Variants in DGAT1 observed in about 807,000 individuals in gnomAD.
DGAT1 encodes the protein ACAT related gene product 1.
DGAT1 carries 60 observed loss-of-function variants against 72.6 expected under a neutral mutation model. The observed-to-expected ratio is 0.83, with a 90% CI of 0.67 to 1.02. The LOEUF (loss-of-function observed/expected upper bound fraction) is 1.02, where lower values mean the gene tolerates loss of function less well. Among genes scored for constraint, DGAT1 ranks in the 50% least tolerant of loss-of-function variants. DGAT1 has a pLI of 0.00. For synonymous variants in DGAT1, 290 were observed against 267.5 expected (o/e 1.08, Z -0.82); for missense variants, 592 against 670.0 (o/e 0.88, Z 1.29).
Position 144,318,298 on chromosome 8 carries a change from G to A in DGAT1, c.639C>T (p.Asp213=), listed in dbSNP as rs1311112263. 8.1e-6 allele frequency: 13 copies of A among 1,612,732 alleles called. No individual in the cohort carries two copies. The highest frequency in any genetic ancestry group is 2.7e-5 in the African/African-American group (2 of 74,928). ...TGGCCCTGCGGCACCATGAGTTGAC[G>A]TCGCGGTAGGAGAAGAGCTTGAGGA... ...ILFLKLFSYR[D]VNSWCRRARA... Residue 213 remains aspartate, a synonymous_variant, in exon 7 of 17, where the codon GAC becomes GAT. Coordinates refer to ENST00000528718, the MANE Select transcript of DGAT1 (RefSeq NM_012079.6).
Position 144,321,409 on chromosome 8 carries a change from C to G in DGAT1, c.201-1G>C, listed in dbSNP as rs1300376926. Reference sequence around the variant, plus strand: ...TAAAGAATCCTGCAGGCGATGGCACCTGACAGAGCACAACACAAGCACCCC... The same window carrying G: ...TAAAGAATCCTGCAGGCGATGGCACGTGACAGAGCACAACACAAGCACCCC... On this transcript the variant is annotated splice_acceptor_variant, in intron 1 of 16. Transcript: ENST00000528718. LOFTEE classifies it high-confidence loss of function. The G allele has an allele frequency of 1.7e-5, 28 of 1,613,606 alleles. No homozygotes were observed. Among genetic ancestry groups the G allele is most frequent in the Non-Finnish European group, 2.3e-5 (27 of 1,179,852 alleles).
At chr8:144,317,293 G>A (rs1817271820) in intron 13 of DGAT1, 40 bp downstream of exon 13, 28 of 1,613,196 alleles carry the variant, frequency 1.7e-5, no homozygotes, top group Non-Finnish European at 2.4e-5. Context: ...AGCACACCAT[G>A]GCCCATCCCA....
chr8:144,318,239 C>A (rs552667411), intron 7 of DGAT1, 22 bp downstream of exon 7: 1 of 1,611,890 alleles, frequency 6.2e-7, no homozygotes, highest in South Asian at 1.1e-5. Context: ...GCAGGCAGCC[C>A]CAGCCCCTGG....
rs782732629 is a variant in DGAT1, at chr8:144,317,892, TGCCCCCA to T, written c.855+15_855+21del. On this transcript the variant is annotated intron_variant, in intron 9 of 16. Coordinates refer to ENST00000528718, the MANE Select transcript of DGAT1 (RefSeq NM_012079.6). The stretch of plus-strand genomic sequence containing the variant: ...AGAAGGCCCCCTAGCCTCCAGTGGC[TGCCCCCA>T]GCCCCCAACCTCACCATCTCAAGGA... The T allele has an allele frequency of 1.3e-6, 2 of 1,545,436 alleles. No individual in the cohort carries two copies. Among genetic ancestry groups the T allele is most frequent in the South Asian group, 2.5e-5 (2 of 79,866 alleles).
At chr8:144,323,731 G>A (rs1038091798) in intron 1 of DGAT1, among the ~76,000 whole-genome samples, 5 of 152,142 alleles carry the variant, frequency 3.3e-5, no homozygotes, top group Non-Finnish European at 2.9e-5. Context: ...TCAGTCTCAC[G>A]GCAACACTGA....
In DGAT1 at chr8:144,318,699, C is replaced by T. The variant is rs1554847717; in HGVS notation, c.468G>A (p.Val156=). 6.2e-7 allele frequency: 1 copy of T among 1,608,602 alleles called. No homozygotes were observed. The highest frequency in any genetic ancestry group is 8.5e-7 in the Non-Finnish European group (1 of 1,178,012). The change falls in exon 5 of 17, where the codon GTG becomes GTA. Residue 156 remains valine, a splice_region_variant and synonymous_variant. Transcript: ENST00000528718. ...AAFQVEKRLA[V]GALTEQAGLL... is the part of the protein sequence containing the mutation. ...CACGGAGGTGAGGGGCACTGCTTACCACCGCCAGGCGCTTCTCAACCTGGA... is the reference window on the plus strand; with the variant it reads ...CACGGAGGTGAGGGGCACTGCTTACTACCGCCAGGCGCTTCTCAACCTGGA...
intron 1 of DGAT1, 139 bp from the exon 2 acceptor site, chr8:144,321,547 G>C (rs1481428382): frequency 2.6e-6 from 2 of 755,086 alleles, no homozygotes; most frequent in South Asian, 1.6e-5. Context: ...GGAGAAGCCA[G>C]GCAGAGCCAC....
At position 144,314,696 on chromosome 8, in the gene DGAT1, A is replaced by C; in HGVS notation, c.*1858T>G. On this transcript the variant is annotated 3_prime_UTR_variant, in exon 17 of 17. Transcript: ENST00000528718. ...GGATGGACGGACAAGACAGGCAGAG[A>C]TCTATAAACAGACAGGCTCTATGCT... is the stretch of plus-strand genomic sequence containing the variant. 1 of 269,280 alleles carries C rather than the reference A, an allele frequency of 3.7e-6. No homozygotes were observed. The highest frequency in any genetic ancestry group is 2.1e-5 in the African/African-American group (1 of 46,756). 16.7% of individuals were successfully genotyped at this position (269,280 alleles called of 1,614,324 possible).
chr8:144,325,767 G>T (rs1346558704), intron 1 of DGAT1, among the ~76,000 whole-genome samples: 1 of 152,184 alleles, frequency 6.6e-6, no homozygotes, highest in Non-Finnish European at 1.5e-5. Flanking sequence ...CCTGGAGGAT[G>T]GAAGTCCCAA....
At chr8:144,324,401 A>T (rs1479297450) in intron 1 of DGAT1, among the ~76,000 whole-genome samples, 3 of 152,182 alleles carry the variant, frequency 2.0e-5, no homozygotes, top group African/African-American at 4.8e-5. Context: ...CCTGACGCAG[A>T]CAGCAGGGAG....
intron 2 of DGAT1, 132 bp downstream of exon 2, chr8:144,321,189 T>G: frequency 2.4e-6 from 2 of 844,524 alleles, no homozygotes; most frequent in Non-Finnish European, 4.0e-6. Flanking sequence ...TGCAGCCTGC[T>G]CCACACACCC....
rs1037385554 is a variant in DGAT1 at position 144,315,424 on chromosome 8, G to A, written c.*1130C>T. ...GGTTGCTGATGAGGCCCCTGGTGCA[G>A]TCCTGGGACCCTGTGCAGGGCCTCC... is the stretch of plus-strand genomic sequence containing the variant. On this transcript the variant is annotated 3_prime_UTR_variant, in exon 17 of 17. Coordinates refer to ENST00000528718, the MANE Select transcript of DGAT1 (RefSeq NM_012079.6). The A allele has an allele frequency of 1.0e-6, 1 of 985,602 alleles. No homozygotes were observed. The highest frequency in any genetic ancestry group is 1.2e-6 in the Non-Finnish European group (1 of 830,038). The allele number at this position is 985,602 out of a possible 1,614,324, so 61.1% of individuals were successfully genotyped here. A position where few individuals can be genotyped will look rare whatever the true frequency, so the allele number is the denominator to read the frequency against.
At chr8:144,317,637 C>A in intron 11 of DGAT1, 34 bp downstream of exon 11, 1 of 1,613,924 alleles carries the variant, frequency 6.2e-7, no homozygotes, top group Non-Finnish European at 8.5e-7. Context: ...CACTCCCCAG[C>A]CACCCCAGCT....
rs1554847768 is a variant in DGAT1, at chr8:144,318,926, G to C, written c.330-6C>G. On this transcript the variant is annotated splice_region_variant and splice_polypyrimidine_tract_variant and intron_variant, in intron 3 of 16. Transcript: ENST00000528718. ...GGTCCACCAGGATGCCATACCTGGG[G>C]GTGGAGGGATGGGGGTCTGAGTGGG... is the stretch of plus-strand genomic sequence containing the variant. 1 of 1,608,484 alleles carries C rather than the reference G, an allele frequency of 6.2e-7. No individual in the cohort carries two copies. The highest frequency in any genetic ancestry group is 2.2e-5 in the East Asian group (1 of 44,704).
chr8:144,317,232 T>C lies in DGAT1; in HGVS notation c.1115A>G (p.Tyr372Cys), dbSNP rs1554847242. ...AGGGATGTTCCAGTTCTGCCAGAAG[T>C]AGGTGACAGACTCGGAGTTCCTGGG... ...RDWWNSESVTYFWQNWNIPVH... is the reference protein window; with the variant it reads ...RDWWNSESVTCFWQNWNIPVH... The change falls in exon 14 of 17, where the codon TAC (tyrosine) becomes TGC (cysteine). Residue 372 changes from tyrosine (Y) to cysteine (C), a missense_variant. Coordinates refer to ENST00000528718, the MANE Select transcript of DGAT1 (RefSeq NM_012079.6). The C allele has an allele frequency of 1.2e-6, 2 of 1,610,694 alleles. No individual in the cohort carries two copies. The highest frequency in any genetic ancestry group is 2.2e-5 in the East Asian group (1 of 44,780).
In DGAT1 at chr8:144,317,393, C is replaced by T; in HGVS notation, c.1034G>A (p.Cys345Tyr). The change falls in exon 13 of 17, where the codon TGC becomes TAC. Residue 345 changes from cysteine (C) to tyrosine (Y), a missense_variant. Coordinates refer to ENST00000528718, the MANE Select transcript of DGAT1 (RefSeq NM_012079.6). ...CATGAGCTCAGCCACGGCATTCAGG[C>T]AGGAGTGGAAGAGCCAGTAGAAGAA... ...LIFFYWLFHSCLNAVAELMQF... is the reference protein window; with the variant it reads ...LIFFYWLFHSYLNAVAELMQF... 6.2e-7 allele frequency: 1 copy of T among 1,613,790 alleles called. No individual in the cohort carries two copies. The highest frequency in any genetic ancestry group is 1.1e-5 in the South Asian group (1 of 91,090).
chr8:144,322,716 C>T (rs1002873711), intron 1 of DGAT1, among the ~76,000 whole-genome samples: 124 of 152,342 alleles, frequency 8.1e-4, no homozygotes, highest in African/African-American at 2.8e-3. Flanking sequence ...CACACCTTTC[C>T]CTCTGCCCAT....
chr8:144,316,527 G>C lies in DGAT1; in HGVS notation c.*27C>G. ...CTCTGGCAGCGGGTGTGAGGTGGCA[G>C]TGAGAAGCCAGGCCCTCAGGTGCAG... is the stretch of plus-strand genomic sequence containing the variant. On this transcript the variant is annotated 3_prime_UTR_variant, in exon 17 of 17. Coordinates refer to ENST00000528718, the MANE Select transcript of DGAT1 (RefSeq NM_012079.6). 4 of 1,561,670 alleles carry C rather than the reference G, an allele frequency of 2.6e-6. No homozygotes were observed. The highest frequency in any genetic ancestry group is 3.5e-6 in the Non-Finnish European group (4 of 1,151,900).
chr8:144,315,576 C>G lies in DGAT1; in HGVS notation c.*978G>C, dbSNP rs782813494. On this transcript the variant is annotated 3_prime_UTR_variant, in exon 17 of 17. Coordinates refer to ENST00000528718, the MANE Select transcript of DGAT1 (RefSeq NM_012079.6). Reference sequence around the variant, plus strand: ...GCAGCAGCAGGGCCCTGGGGTTACCCCTGACCTCCCGCTACCATCAAGGGG... The same window carrying G: ...GCAGCAGCAGGGCCCTGGGGTTACCGCTGACCTCCCGCTACCATCAAGGGG... The G allele has an allele frequency of 1.8e-4, 177 of 985,666 alleles. No individual in the cohort carries two copies. The highest frequency in any genetic ancestry group is 2.1e-4 in the Non-Finnish European group (171 of 830,092). The allele number at this position is 985,666 out of a possible 1,614,324, so 61.1% of individuals were successfully genotyped here.
Sources: gnomAD v4.1 joint callset for allele counts (sites outside exome capture counted in the v4.1 genomes callset) on GRCh38, gnomAD v4.1.1 for gene constraint, MANE v1.5 for transcripts, NCBI Gene and HGNC (gene_info 2026-07-23, HGNC 2026-07-21) for gene names.